MEIS2: variants seen among roughly 807,000 people sequenced by gnomAD.
MEIS2 encodes the protein Meis homeobox 2, also known as homeobox protein Meis2.
MEIS2 carries 9 observed loss-of-function variants against 58.6 expected under a neutral mutation model. The observed-to-expected ratio is 0.15, with a 90% CI of 0.09 to 0.27. The LOEUF (loss-of-function observed/expected upper bound fraction) is 0.27, where lower values mean the gene tolerates loss of function less well. Among genes scored for constraint, MEIS2 ranks in the 10% least tolerant of loss-of-function variants. MEIS2 has a pLI of 1.00. For missense variants in MEIS2, 427 were observed against 635.0 expected, an observed-to-expected ratio of 0.67 and a Z score of 3.52; for synonymous variants, 221 against 228.4, an observed-to-expected ratio of 0.97 and a Z score of 0.29.
chr15:37,000,277 C>T (rs1427193764), intron 8 of MEIS2, among the ~76,000 whole-genome samples: 1 of 152,116 alleles, frequency 6.6e-6, no homozygotes. Flanking sequence ...TTAGGAGCCA[C>T]TCTACTTCCT....
intron 8 of MEIS2, among the ~76,000 whole-genome samples, chr15:36,984,999 A>G (rs2060048971): frequency 6.6e-6 from 1 of 152,032 alleles, no homozygotes; most frequent in South Asian, 2.1e-4. Context: ...AGGTTTGTCA[A>G]TTTTGTTCCT....
chr15:37,074,705 A>G (rs929033422), intron 7 of MEIS2, among the ~76,000 whole-genome samples: 7 of 152,026 alleles, frequency 4.6e-5, no homozygotes, highest in Admixed American at 1.3e-4. Context: ...CTCTCTTAAT[A>G]TAAGTGAGAT....
intron 8 of MEIS2, among the ~76,000 whole-genome samples, chr15:37,019,478 A>G (rs2061451734): frequency 6.6e-6 from 1 of 152,206 alleles, no homozygotes; most frequent in Non-Finnish European, 1.5e-5. Context: ...TGACAATTTA[A>G]ATGAGTATTT....
chr15:36,971,081 A>G (rs559254103), intron 8 of MEIS2, among the ~76,000 whole-genome samples: 1 of 152,082 alleles, frequency 6.6e-6, no homozygotes, highest in East Asian at 1.9e-4. Context: ...TGATAAAAAT[A>G]AAATTGCTGT....
chr15:36,950,656 T>C (rs536449495), intron 8 of MEIS2, among the ~76,000 whole-genome samples: 1 of 152,246 alleles, frequency 6.6e-6, no homozygotes, highest in African/African-American at 2.4e-5. Context: ...ATTTCTTTAA[T>C]CAGTCAGAAT....
intron 9 of MEIS2, among the ~76,000 whole-genome samples, chr15:36,910,366 C>A (rs954351290): frequency 6.6e-6 from 1 of 152,110 alleles, no homozygotes; most frequent in Non-Finnish European, 1.5e-5. Context: ...TGAAGGTAAT[C>A]AAAGTGAAGT....
At chr15:37,015,255 G>A (rs932603297) in intron 8 of MEIS2, among the ~76,000 whole-genome samples, 3 of 152,182 alleles carry the variant, frequency 2.0e-5, no homozygotes, top group African/African-American at 7.2e-5. Context: ...ATGATTCACT[G>A]CTCAGGGTGT....
chr15:36,901,843 T>C (rs1003249012), intron 9 of MEIS2, among the ~76,000 whole-genome samples: 3 of 152,208 alleles, frequency 2.0e-5, no homozygotes, highest in African/African-American at 7.2e-5. Flanking sequence ...CTTACTTTCA[T>C]CTAATTCTTC....
chr15:36,921,814 G>C (rs2057522048), intron 9 of MEIS2, among the ~76,000 whole-genome samples: 1 of 152,114 alleles, frequency 6.6e-6, no homozygotes, highest in Non-Finnish European at 1.5e-5. Context: ...AGACTCAAGT[G>C]CTGGTTGGAA....
chr15:36,895,366 G>T, intron 10 of MEIS2, 105 bp from the exon 11 acceptor site: 1 of 937,338 alleles, frequency 1.1e-6, no homozygotes, highest in Non-Finnish European at 1.6e-6. Flanking sequence ...CAACAATGTG[G>T]TTGGCACTCT....
At chr15:37,023,639 T>C (rs1463774085) in intron 8 of MEIS2, among the ~76,000 whole-genome samples, 1 of 152,172 alleles carries the variant, frequency 6.6e-6, no homozygotes, top group African/African-American at 2.4e-5. Context: ...TCTGCTTTAG[T>C]CCCTCTTGCT....
At chr15:37,081,087 A>G (rs1892154695) in intron 7 of MEIS2, among the ~76,000 whole-genome samples, 1 of 152,204 alleles carries the variant, frequency 6.6e-6, no homozygotes, top group South Asian at 2.1e-4. Context: ...ACATAAATAC[A>G]TGTATTGTTT....
intron 9 of MEIS2, among the ~76,000 whole-genome samples, chr15:36,927,228 A>T (rs1239896794): frequency 6.6e-6 from 1 of 152,162 alleles, no homozygotes; most frequent in Non-Finnish European, 1.5e-5. Context: ...GCCCCCCTGA[A>T]GATGAGAGAG....
At chr15:37,025,499 C>G (rs900356500) in intron 8 of MEIS2, among the ~76,000 whole-genome samples, 2 of 152,026 alleles carry the variant, frequency 1.3e-5, no homozygotes, top group African/African-American at 4.8e-5. Context: ...AAAGAGTTAA[C>G]AGATTGTCCT....
At chr15:37,077,679 C>T (rs1274013778) in intron 7 of MEIS2, among the ~76,000 whole-genome samples, 2 of 151,964 alleles carry the variant, frequency 1.3e-5, no homozygotes, top group Non-Finnish European at 2.9e-5. Flanking sequence ...ACAAAGATGG[C>T]ACACACATTT....
chr15:37,047,539 T>G (rs138346049), intron 7 of MEIS2, among the ~76,000 whole-genome samples: 1 of 152,264 alleles, frequency 6.6e-6, no homozygotes, highest in East Asian at 1.9e-4. Context: ...AACTGGTAAA[T>G]GTTATAATTA....
At chr15:36,895,096 G>A (rs2056100594) in intron 11 of MEIS2, 55 bp downstream of exon 11, 11 of 1,401,802 alleles carry the variant, frequency 7.8e-6, no homozygotes, top group Non-Finnish European at 1.1e-5. Context: ...TGGAGAGGCT[G>A]GTGGAGCAGG....
At chr15:36,975,468 G>T (rs980655077) in intron 8 of MEIS2, among the ~76,000 whole-genome samples, 1 of 41,308 alleles carries the variant, frequency 2.4e-5, no homozygotes. Flanking sequence ...AAAAAATAAG[G>T]GTTTTTTTTT....
intron 8 of MEIS2, among the ~76,000 whole-genome samples, chr15:36,984,285 T>C (rs549866459): frequency 1.3e-5 from 2 of 152,200 alleles, no homozygotes; most frequent in South Asian, 2.1e-4. Context: ...AAGCTTGTCA[T>C]ATATGGCCTT....
Sources: gnomAD v4.1 joint callset for allele counts (sites outside exome capture counted in the v4.1 genomes callset) on GRCh38, gnomAD v4.1.1 for gene constraint, MANE v1.5 for transcripts, NCBI Gene and HGNC (gene_info 2026-07-23, HGNC 2026-07-21) for gene names.